The following ZC3H12B variants were observed in gnomAD, a reference collection of about 807,000 sequenced individuals.
ZC3H12B encodes the protein zinc finger CCCH-type containing 12B, also known as probable ribonuclease ZC3H12B.
ZC3H12B carries 7 observed loss-of-function variants against 43.9 expected under a neutral mutation model. That is an observed-to-expected ratio of 0.16 (90% CI 0.09 to 0.30). ZC3H12B has a LOEUF of 0.30. ZC3H12B is among the 10% of genes least tolerant of loss of function. The probability of loss-of-function intolerance (pLI) is 1.00; values close to 1 mark genes in which losing one functional copy is unlikely to be tolerated. For synonymous variants in ZC3H12B, 222 were observed against 241.7 expected, an observed-to-expected ratio of 0.92 and a Z score of 0.76; for missense variants, 475 against 670.2, an observed-to-expected ratio of 0.71 and a Z score of 3.22.
intron 2 of ZC3H12B, among the ~76,000 whole-genome samples, chrX:65,392,208 G>T (rs376971378): frequency 1.8e-5 from 2 of 110,929 alleles, no homozygotes; most frequent in East Asian, 2.9e-4. Context: ...AGTGAGGAGC[G>T]TCTCTGCCTG....
chrX:65,349,776 A>G, the ZC3H12B span, among the ~76,000 whole-genome samples: 2 of 112,066 alleles, frequency 1.8e-5, no homozygotes, highest in African/African-American at 6.5e-5. Context: ...AAATTCCTAG[A>G]CACACACCCT....
At chrX:65,375,182 G>A (rs2066328937) in intron 2 of ZC3H12B, among the ~76,000 whole-genome samples, 1 of 111,852 alleles carries the variant, frequency 8.9e-6, no homozygotes, top group Non-Finnish European at 1.9e-5. Flanking sequence ...TGAGATTTGA[G>A]TTTTGCTGCC....
chrX:65,206,854 G>A, the ZC3H12B span, among the ~76,000 whole-genome samples: 1 of 110,806 alleles, frequency 9.0e-6, no homozygotes, highest in Admixed American at 9.7e-5. Flanking sequence ...AGGACATGAA[G>A]AGACAATTTG....
the ZC3H12B span, among the ~76,000 whole-genome samples, chrX:65,224,446 C>T: frequency 6.5e-4 from 73 of 112,518 alleles, no homozygotes; most frequent in Non-Finnish European, 1.0e-3. Flanking sequence ...GCATGAGCAA[C>T]GCAGAAGATG....
chrX:65,163,649 C>A, the ZC3H12B span, among the ~76,000 whole-genome samples: 44 of 111,678 alleles, frequency 3.9e-4, no homozygotes, highest in African/African-American at 1.3e-3. Context: ...GTGGGAGTGA[C>A]CTGATTTTCC....
At chrX:65,487,805 C>G (rs1467566966), upstream of ZC3H12B, among the ~76,000 whole-genome samples, 1 of 112,304 alleles carries the variant, frequency 8.9e-6, no homozygotes, top group Non-Finnish European at 1.9e-5. Context: ...TTTCTAGTCT[C>G]CCTAGTAGAT....
intron 3 of ZC3H12B, among the ~76,000 whole-genome samples, chrX:65,481,435 G>T (rs1044014769): frequency 5.4e-5 from 6 of 111,333 alleles, no homozygotes; most frequent in African/African-American, 2.0e-4. Context: ...CTAGTATCCA[G>T]GATGGGAATT....
intron 3 of ZC3H12B, among the ~76,000 whole-genome samples, chrX:65,434,760 T>C (rs182720838): frequency 9.0e-6 from 1 of 110,874 alleles, no homozygotes; most frequent in Admixed American, 9.6e-5. Flanking sequence ...AGAAGGGTAG[T>C]GGGTGAGTCC....
intron 3 of ZC3H12B, among the ~76,000 whole-genome samples, chrX:65,450,779 GTGTATATA>G (rs2067485380): frequency 5.4e-5 from 2 of 36,914 alleles, no homozygotes. Context: ...GTATACATAT[GTGTATATA>G]TGTATATATA....
At chrX:65,196,486 G>A in the ZC3H12B span, among the ~76,000 whole-genome samples, 1 of 111,288 alleles carries the variant, frequency 9.0e-6, no homozygotes, top group Non-Finnish European at 1.9e-5. Context: ...TAAAAGTGTT[G>A]AAGCAGTTGC....
the ZC3H12B span, among the ~76,000 whole-genome samples, chrX:65,080,023 C>T: frequency 9.1e-6 from 1 of 109,775 alleles, no homozygotes; most frequent in Non-Finnish European, 1.9e-5. Flanking sequence ...TTTAACAAAG[C>T]AATTAAAATA....
At chrX:65,128,242 A>G in the ZC3H12B span, among the ~76,000 whole-genome samples, 1 of 112,141 alleles carries the variant, frequency 8.9e-6, no homozygotes, top group South Asian at 3.7e-4. Flanking sequence ...ATGGGGTAGT[A>G]TCTTAGGAAT....
chrX:65,164,007 G>A, the ZC3H12B span, among the ~76,000 whole-genome samples: 1,777 of 111,671 alleles, frequency 0.016, 49 homozygotes, highest in African/African-American at 0.055. Context: ...ACTACCTGTC[G>A]TTATAGCCTG....
chrX:65,108,889 A>G, the ZC3H12B span, among the ~76,000 whole-genome samples: 1 of 111,308 alleles, frequency 9.0e-6, no homozygotes, highest in African/African-American at 3.3e-5. Context: ...GATGATGGGA[A>G]TTTTTCAGCT....
chrX:65,162,413 G>A, the ZC3H12B span, among the ~76,000 whole-genome samples: 4 of 111,959 alleles, frequency 3.6e-5, no homozygotes, highest in Non-Finnish European at 7.5e-5. Context: ...CCAATCAGAC[G>A]TAGATTTGGT....
At chrX:65,179,804 TAAGG>T in the ZC3H12B span, among the ~76,000 whole-genome samples, 1 of 111,873 alleles carries the variant, frequency 8.9e-6, no homozygotes. Context: ...AAGACTAAAC[TAAGG>T]AAGAAGTCAA....
chrX:65,325,687 C>G, the ZC3H12B span, among the ~76,000 whole-genome samples: 50 of 111,249 alleles, frequency 4.5e-4, no homozygotes, highest in Non-Finnish European at 7.8e-4. Context: ...AAGTGATCTA[C>G]AAATTCAGCA....
At chrX:65,077,656 G>C in the ZC3H12B span, among the ~76,000 whole-genome samples, 1 of 112,086 alleles carries the variant, frequency 8.9e-6, no homozygotes, top group South Asian at 3.7e-4. Context: ...ACAGGAGTTG[G>C]GGCTCTCCAC....
intron 3 of ZC3H12B, among the ~76,000 whole-genome samples, chrX:65,446,617 C>T (rs1329276924): frequency 1.8e-5 from 2 of 111,809 alleles, no homozygotes; most frequent in Non-Finnish European, 3.8e-5. Flanking sequence ...TGTTGCTTTC[C>T]GCTGTGACAG....
Sources: gnomAD v4.1 joint callset for allele counts (sites outside exome capture counted in the v4.1 genomes callset) on GRCh38, gnomAD v4.1.1 for gene constraint, MANE v1.5 for transcripts, NCBI Gene and HGNC (gene_info 2026-07-23, HGNC 2026-07-21) for gene names.